MTAP: variants seen among roughly 807,000 people sequenced by gnomAD.
MTAP encodes S-methyl-5'-thioadenosine phosphorylase.
A neutral mutation model predicts 33.6 loss-of-function variants in MTAP; 33 were observed. The ratio of observed to expected loss-of-function variants is 0.98; its 90% confidence interval spans 0.74 to 1.31. MTAP has a LOEUF of 1.31. Ranked by LOEUF, MTAP falls within the 40% of genes most tolerant of loss-of-function variation. MTAP has a pLI of 0.00. For synonymous variants in MTAP, 148 were observed against 125.7 expected (o/e 1.18, Z -1.19); for missense variants, 367 against 360.0 (o/e 1.02, Z -0.16).
At chr9:21,824,230 G>GT (rs1824725033) in intron 4 of MTAP, among the ~76,000 whole-genome samples, 1 of 152,152 alleles carries the variant, frequency 6.6e-6, no homozygotes, top group Non-Finnish European at 1.5e-5. Flanking sequence ...CATCTTTGTG[G>GT]TTTTATCTAC....
chr9:21,935,960 G>C (rs140313962), downstream of MTAP: 17 of 152,272 alleles, frequency 1.1e-4, no homozygotes, highest in East Asian at 3.3e-3. Flanking sequence ...TGGACATCTA[G>C]AAGTGCAAAG....
chr9:21,805,659 G>T (rs2117893068), intron 1 of MTAP, among the ~76,000 whole-genome samples: 1 of 152,328 alleles, frequency 6.6e-6, no homozygotes, highest in East Asian at 1.9e-4. Context: ...TGGAAGCAGT[G>T]CCCTTACAAA....
chr9:21,859,556 T>C, intron 7 of MTAP, 131 bp downstream of exon 7: 1 of 1,050,998 alleles, frequency 9.5e-7, no homozygotes, highest in Non-Finnish European at 1.3e-6. Flanking sequence ...TTTTGTGACA[T>C]CTACTACTAC....
At chr9:21,931,918 C>T (rs1271580326), downstream of MTAP, 1 of 152,206 alleles carries the variant, frequency 6.6e-6, no homozygotes, top group Non-Finnish European at 1.5e-5. Context: ...CAGACCCATA[C>T]AGATTTGCTG....
intron 1 of MTAP, among the ~76,000 whole-genome samples, chr9:21,928,025 G>A (rs76008521): frequency 0.054 from 8,268 of 152,218 alleles, 689 homozygotes; most frequent in African/African-American, 0.19. Flanking sequence ...TAAAGAGGCA[G>A]CCATCTCAAA....
chr9:21,877,315 TG>T (rs1376737891), intron 1 of MTAP, among the ~76,000 whole-genome samples: 1 of 152,184 alleles, frequency 6.6e-6, no homozygotes, highest in African/African-American at 2.4e-5. Context: ...AGGGATAGTT[TG>T]ACTTCCTCTC....
At chr9:21,807,997 C>A (rs1563828066) in intron 1 of MTAP, among the ~76,000 whole-genome samples, 1 of 152,216 alleles carries the variant, frequency 6.6e-6, no homozygotes, top group Non-Finnish European at 1.5e-5. Context: ...TCAAAAGCAT[C>A]TAAAGCAGTG....
chr9:21,885,875 T>C (rs144626650), intron 1 of MTAP, among the ~76,000 whole-genome samples: 107 of 151,946 alleles, frequency 7.0e-4, no homozygotes, highest in Non-Finnish European at 1.2e-3. Flanking sequence ...TTTGAGCTGG[T>C]TCCATATTTT....
intron 1 of MTAP, among the ~76,000 whole-genome samples, chr9:21,876,237 T>G (rs1296225170): frequency 6.6e-6 from 1 of 152,182 alleles, no homozygotes; most frequent in African/African-American, 2.4e-5. Flanking sequence ...CTTGTAAATT[T>G]GTTTAAGTTC....
At chr9:21,836,126 C>G (rs1825100129) in intron 4 of MTAP, among the ~76,000 whole-genome samples, 1 of 152,096 alleles carries the variant, frequency 6.6e-6, no homozygotes, top group African/African-American at 2.4e-5. Flanking sequence ...ATCTGGGCAT[C>G]TTGGTTGACT....
At chr9:21,939,842 C>T (rs1018774787), downstream of MTAP, among the ~76,000 whole-genome samples, 4 of 151,990 alleles carry the variant, frequency 2.6e-5, no homozygotes, top group African/African-American at 9.7e-5. Flanking sequence ...GAGATTGTGC[C>T]ACTGCACTCT....
intron 1 of MTAP, among the ~76,000 whole-genome samples, chr9:21,895,626 C>T (rs562803816): frequency 6.6e-6 from 1 of 152,188 alleles, no homozygotes; most frequent in Non-Finnish European, 1.5e-5. Context: ...CTGTGCTTTT[C>T]CAATGACCTT....
At chr9:21,902,016 G>A (rs556314798) in intron 1 of MTAP, among the ~76,000 whole-genome samples, 4 of 152,316 alleles carry the variant, frequency 2.6e-5, no homozygotes, top group Non-Finnish European at 5.9e-5. Flanking sequence ...TAAGTAGAAT[G>A]TATGAGAAAT....
chr9:21,930,086 G>T, intron 1 of MTAP: 1 of 465,980 alleles, frequency 2.1e-6, no homozygotes, highest in South Asian at 1.7e-5. Context: ...CCAGCCTGAT[G>T]ATTATAACCA....
At chr9:21,940,057 G>T (rs1819111166), downstream of MTAP, among the ~76,000 whole-genome samples, 1 of 152,148 alleles carries the variant, frequency 6.6e-6, no homozygotes, top group Non-Finnish European at 1.5e-5. Context: ...GAGGCAGGTG[G>T]ATCACCTGAG....
intron 1 of MTAP, among the ~76,000 whole-genome samples, chr9:21,891,817 A>G (rs1196178653): frequency 1.3e-5 from 2 of 152,096 alleles, no homozygotes; most frequent in Non-Finnish European, 2.9e-5. Context: ...CCCAAGACAC[A>G]TAGTTATCAG....
At chr9:21,817,115 T>C (rs539267000) in intron 3 of MTAP, among the ~76,000 whole-genome samples, 14 of 152,294 alleles carry the variant, frequency 9.2e-5, no homozygotes, top group African/African-American at 3.4e-4. Context: ...CTCTTGCTGG[T>C]AGTAGTTATA....
At chr9:21,845,077 T>A (rs994929801) in intron 5 of MTAP, among the ~76,000 whole-genome samples, 4 of 150,788 alleles carry the variant, frequency 2.7e-5, no homozygotes, top group African/African-American at 9.7e-5. Flanking sequence ...GCCAGTGTTA[T>A]ATTGAACAGG....
intron 1 of MTAP, chr9:21,803,382 G>GT (rs1379498826): frequency 1.3e-5 from 2 of 157,012 alleles, no homozygotes; most frequent in South Asian, 2.0e-4. Flanking sequence ...GCGTAATACT[G>GT]TAAGAATTCT....
Sources: allele counts gnomAD v4.1 joint callset (sites outside exome capture counted in the v4.1 genomes callset), GRCh38; gene constraint gnomAD v4.1.1; transcripts MANE v1.5; gene names NCBI Gene and HGNC (gene_info 2026-07-23, HGNC 2026-07-21).